The following NOVA1 variants were observed in gnomAD, a reference collection of about 807,000 sequenced individuals.
NOVA1 encodes the protein NOVA alternative splicing regulator 1.
In NOVA1, 7 loss-of-function variants were observed where a neutral mutation model predicts 38.0. That is an observed-to-expected ratio of 0.18 (90% CI 0.10 to 0.35). The LOEUF is 0.35. NOVA1 is among the 10% of genes least tolerant of loss of function. The pLI, the probability that NOVA1 is intolerant of heterozygous loss-of-function variation, is 1.00. For missense variants in NOVA1, 460 were observed against 616.0 expected, an observed-to-expected ratio of 0.75 and a Z score of 2.68; for synonymous variants, 270 against 232.5, an observed-to-expected ratio of 1.16 and a Z score of -1.47.
At chr14:26,554,633 C>CA (rs1891374790) in intron 2 of NOVA1, among the ~76,000 whole-genome samples, 1 of 151,898 alleles carries the variant, frequency 6.6e-6, no homozygotes, top group Non-Finnish European at 1.5e-5. Flanking sequence ...TAATCATAAA[C>CA]AAAAAAGGTC....
chr14:26,569,177 G>A (rs992111078), intron 2 of NOVA1, among the ~76,000 whole-genome samples: 1 of 152,084 alleles, frequency 6.6e-6, no homozygotes, highest in East Asian at 1.9e-4. Flanking sequence ...AGAACTGTCA[G>A]ATAGAGTATT....
At chr14:26,544,900 A>T (rs938489423) in intron 2 of NOVA1, among the ~76,000 whole-genome samples, 2 of 152,034 alleles carry the variant, frequency 1.3e-5, no homozygotes, top group African/African-American at 4.8e-5. Flanking sequence ...TCTTCTAATA[A>T]ACCCGTTAGA....
chr14:26,562,959 G>T (rs1891916555), intron 2 of NOVA1, among the ~76,000 whole-genome samples: 1 of 152,076 alleles, frequency 6.6e-6, no homozygotes, highest in Non-Finnish European at 1.5e-5. Flanking sequence ...ACACCATGCA[G>T]AAAGAATATC....
intron 2 of NOVA1, among the ~76,000 whole-genome samples, chr14:26,511,135 G>C (rs1202577906): frequency 6.6e-6 from 1 of 152,008 alleles, no homozygotes; most frequent in Admixed American, 6.6e-5. Context: ...CGATATTGTT[G>C]AATAATTGGG....
chr14:26,525,075 T>C (rs1053688486), intron 2 of NOVA1, among the ~76,000 whole-genome samples: 1 of 152,182 alleles, frequency 6.6e-6, no homozygotes, highest in African/African-American at 2.4e-5. Context: ...CAAAACATGA[T>C]TTCAGAGTAA....
At chr14:26,463,432 C>G (rs1451350644) in intron 4 of NOVA1, among the ~76,000 whole-genome samples, 2 of 152,082 alleles carry the variant, frequency 1.3e-5, no homozygotes, top group Non-Finnish European at 2.9e-5. Flanking sequence ...GATGTTGATT[C>G]CAATTTCCCT....
intron 2 of NOVA1, among the ~76,000 whole-genome samples, chr14:26,575,180 G>A (rs112173133): frequency 9.2e-5 from 14 of 152,224 alleles, no homozygotes; most frequent in African/African-American, 3.4e-4. Flanking sequence ...GCTTGACACT[G>A]ACTAAACGTC....
chr14:26,563,716 A>G (rs1035105203), intron 2 of NOVA1, among the ~76,000 whole-genome samples: 9 of 152,260 alleles, frequency 5.9e-5, no homozygotes, highest in African/African-American at 2.2e-4. Flanking sequence ...CATGTGAAAA[A>G]TATATTTCTA....
chr14:26,488,902 T>C (rs1419462805), intron 2 of NOVA1, among the ~76,000 whole-genome samples: 3 of 152,156 alleles, frequency 2.0e-5, no homozygotes, highest in African/African-American at 7.2e-5. Flanking sequence ...AATTCACTTT[T>C]GCAAAGCTTG....
At chr14:26,461,601 T>C (rs146584658) in intron 4 of NOVA1, among the ~76,000 whole-genome samples, 232 of 152,008 alleles carry the variant, frequency 1.5e-3, no homozygotes, top group Middle Eastern at 6.8e-3. Context: ...ATATCCATAA[T>C]TTTTGGCAAG....
At chr14:26,531,562 G>A (rs928245343) in intron 2 of NOVA1, among the ~76,000 whole-genome samples, 4 of 152,116 alleles carry the variant, frequency 2.6e-5, no homozygotes, top group East Asian at 1.9e-4. Flanking sequence ...AGCCGAGATC[G>A]CGCCATTGCA....
intron 2 of NOVA1, among the ~76,000 whole-genome samples, chr14:26,509,758 G>A (rs1378694607): frequency 6.6e-6 from 1 of 152,158 alleles, no homozygotes; most frequent in African/African-American, 2.4e-5. Flanking sequence ...TGGGCTCACT[G>A]CAACCTCTGC....
chr14:26,552,567 A>T (rs937112678), intron 2 of NOVA1, among the ~76,000 whole-genome samples: 29 of 152,140 alleles, frequency 1.9e-4, no homozygotes, highest in African/African-American at 6.5e-4. Context: ...GAATTCATTA[A>T]TTCATTTATT....
chr14:26,489,057 T>C (rs995224512), intron 2 of NOVA1, among the ~76,000 whole-genome samples: 7 of 152,034 alleles, frequency 4.6e-5, no homozygotes, highest in African/African-American at 1.7e-4. Context: ...AGCATTGCAA[T>C]GGACATGCAG....
At chr14:26,493,797 G>C (rs907022698) in intron 2 of NOVA1, among the ~76,000 whole-genome samples, 5 of 151,890 alleles carry the variant, frequency 3.3e-5, no homozygotes, top group African/African-American at 1.2e-4. Context: ...TCATTAATCT[G>C]CCCCCTGTGA....
chr14:26,540,947 T>C (rs1890429574), intron 2 of NOVA1, among the ~76,000 whole-genome samples: 1 of 152,110 alleles, frequency 6.6e-6, no homozygotes, highest in South Asian at 2.1e-4. Flanking sequence ...TTGTGGTAAG[T>C]AATGAGCTAG....
At chr14:26,470,431 G>A (rs183029950) in intron 4 of NOVA1, 556 of 1,540,354 alleles carry the variant, frequency 3.6e-4, no homozygotes, top group Non-Finnish European at 3.6e-4. Flanking sequence ...AATGAATTAC[G>A]GATTTTGTTT....
At chr14:26,483,917 G>T (rs1885659613) in intron 2 of NOVA1, among the ~76,000 whole-genome samples, 1 of 152,128 alleles carries the variant, frequency 6.6e-6, no homozygotes. Flanking sequence ...CAATGACAAG[G>T]ACAGAGTTTT....
At chr14:26,538,631 A>G (rs546645090) in intron 2 of NOVA1, among the ~76,000 whole-genome samples, 2 of 152,210 alleles carry the variant, frequency 1.3e-5, no homozygotes, top group South Asian at 2.1e-4. Context: ...CCAAGACACC[A>G]TAATTTCTAG....
Sources: allele counts gnomAD v4.1 joint callset (sites outside exome capture counted in the v4.1 genomes callset), GRCh38; gene constraint gnomAD v4.1.1; transcripts MANE v1.5; gene names NCBI Gene and HGNC (gene_info 2026-07-23, HGNC 2026-07-21).